MEGF8: variants seen among roughly 807,000 people sequenced by gnomAD.
The protein encoded by MEGF8 is multiple epidermal growth factor-like domains protein 8.
Under a neutral mutation model 302.9 loss-of-function variants are expected in MEGF8, and 156 were observed. The observed-to-expected ratio is 0.52, with a 90% CI of 0.45 to 0.59. The LOEUF (loss-of-function observed/expected upper bound fraction) is 0.59, where lower values mean the gene tolerates loss of function less well. Ranked by LOEUF, MEGF8 falls within the 20% of genes least tolerant of loss-of-function variation. The pLI is 0.00. For synonymous variants in MEGF8, 1,621 were observed against 1,660.5 expected (o/e 0.98, Z 0.58); for missense variants, 3,345 against 3,964.5 (o/e 0.84, Z 4.20).
At chr19:42,329,499 A>G (rs1434573099) in intron 1 of MEGF8, among the ~76,000 whole-genome samples, 2 of 152,044 alleles carry the variant, frequency 1.3e-5, no homozygotes, top group Non-Finnish European at 2.9e-5. Flanking sequence ...CCCCTTGATG[A>G]TCTTCTGTTC....
Position 42,326,268 on chromosome 19 carries a change from A to G in MEGF8, c.25A>G (p.Met9Val). The G allele has an allele frequency of 1.9e-6, 3 of 1,553,470 alleles. No homozygotes were observed. Among genetic ancestry groups the G allele is most frequent in the Non-Finnish European group, 2.6e-6 (3 of 1,158,224 alleles). MALGKVLA[M>V]ALVLALAVLG... Reference sequence around the variant, plus strand: ...GATGGCCCTGGGCAAGGTTCTGGCCATGGCACTGGTTTTGGCCTTGGCCGT... The same window carrying G: ...GATGGCCCTGGGCAAGGTTCTGGCCGTGGCACTGGTTTTGGCCTTGGCCGT... The change falls in exon 1 of 42, where the codon ATG becomes GTG. Residue 9 changes from methionine (M) to valine (V), a missense_variant. By Grantham distance (21) the Met-to-Val change is conservative (BLOSUM62 1). Transcript: ENST00000251268.
In MEGF8 at chr19:42,351,494, C is replaced by A; in HGVS notation, c.2921C>A (p.Thr974Asn). ...TGCGCCTGGTGCCAGTCCACCCACACCTGCTTCCTGTTTGCTGCCTACTTG... is the reference window on the plus strand; with the variant it reads ...TGCGCCTGGTGCCAGTCCACCCACAACTGCTTCCTGTTTGCTGCCTACTTG... Reference protein sequence around the residue: ...SQCAWCQSTHTCFLFAAYLAR... With the variant: ...SQCAWCQSTHNCFLFAAYLAR... Residue 974 changes from threonine to asparagine, a missense_variant, in exon 17 of 42, where the codon ACC (threonine) becomes AAC (asparagine). By Grantham distance (65) the Thr-to-Asn change is moderately conservative. Transcript: ENST00000251268. The surrounding 1 kb of genome is among the most constrained non-coding windows in gnomAD (Gnocchi z 5.6). 1 of 1,606,248 alleles carries A rather than the reference C, an allele frequency of 6.2e-7. No individual in the cohort carries two copies.
At chr19:42,348,836 A>T (rs2039327563) in intron 13 of MEGF8, among the ~76,000 whole-genome samples, 1 of 152,238 alleles carries the variant, frequency 6.6e-6, no homozygotes. Context: ...TCCTGACCTC[A>T]GATGATCCGC....
At chr19:42,373,706 G>GTTTTTTTT (rs750576656) in intron 41 of MEGF8, among the ~76,000 whole-genome samples, 11 of 100,990 alleles carry the variant, frequency 1.1e-4, no homozygotes, top group Non-Finnish European at 1.6e-4. Flanking sequence ...GGGCTTTTGG[G>GTTTTTTTT]TTTTTTTTTT....
At position 42,376,980 on chromosome 19, in the gene MEGF8, C is replaced by A. The variant is rs564254065; in HGVS notation, c.*205C>A. ...CTACTCTGTCAGGCACTGTCATAGG[C>A]GTGGGGCAAAGCAGGAACCAAGAGA... is the stretch of plus-strand genomic sequence containing the variant. On this transcript the variant is annotated 3_prime_UTR_variant, in exon 42 of 42. Transcript: ENST00000251268. The surrounding 1 kb of genome is among the most constrained non-coding windows in gnomAD (Gnocchi z 8.2). The A allele has an allele frequency of 5.9e-6, 3 of 509,726 alleles. No individual in the cohort carries two copies. Among genetic ancestry groups the A allele is most frequent in the Non-Finnish European group, 6.4e-6 (2 of 310,486 alleles). 31.6% of individuals were successfully genotyped at this position (509,726 alleles called of 1,614,324 possible).
At position 42,351,043 on chromosome 19, in the gene MEGF8, C is replaced by A; in HGVS notation, c.2737-173C>A. ...AGGAGACAGTGGGTGCTGGGCGGGC[C>A]GACCCATGGGTGTCTGTGGTCGAAG... On this transcript the variant is annotated intron_variant, in intron 15 of 41. Coordinates refer to ENST00000251268, the MANE Select transcript of MEGF8 (RefSeq NM_001271938.2). The surrounding 1 kb of genome is among the most constrained non-coding windows in gnomAD (Gnocchi z 5.6). The A allele has an allele frequency of 1.6e-6, 1 of 635,436 alleles. No individual in the cohort carries two copies. The highest frequency in any genetic ancestry group is 2.8e-6 in the Non-Finnish European group (1 of 359,596). The allele number at this position is 635,436 out of a possible 1,614,324, so 39.4% of individuals were successfully genotyped here.
At chr19:42,355,367 A>G (rs1283757685) in intron 23 of MEGF8, among the ~76,000 whole-genome samples, 1 of 152,140 alleles carries the variant, frequency 6.6e-6, no homozygotes, top group Non-Finnish European at 1.5e-5. Flanking sequence ...ATCCAGTCTC[A>G]TGTAAGGGCA....
chr19:42,375,358 G>A lies in MEGF8; in HGVS notation c.7270-149G>A, dbSNP rs2039750495. ...ACACTGTGGCAGAGAAGGTCCGGGG[G>A]GTCACAGGGAAGTGACTGGGGCAGT... On this transcript the variant is annotated intron_variant, in intron 41 of 41. Coordinates refer to ENST00000251268, the MANE Select transcript of MEGF8 (RefSeq NM_001271938.2). The surrounding 1 kb of genome is among the most constrained non-coding windows in gnomAD (Gnocchi z 7.1). 1 of 820,774 alleles carries A rather than the reference G, an allele frequency of 1.2e-6. No homozygotes were observed. Among genetic ancestry groups the A allele is most frequent in the Non-Finnish European group, 1.9e-6 (1 of 538,230 alleles). 50.8% of individuals were successfully genotyped at this position (820,774 alleles called of 1,614,324 possible). A position where few individuals can be genotyped will look rare whatever the true frequency, so the allele number is the denominator to read the frequency against.
At chr19:42,329,150 T>TA (rs1247998316) in intron 1 of MEGF8, among the ~76,000 whole-genome samples, 1 of 152,138 alleles carries the variant, frequency 6.6e-6, no homozygotes, top group African/African-American at 2.4e-5. Context: ...TGCCTGGTCT[T>TA]ATGGCACTTT....
chr19:42,364,678 C>A (rs1350106646), intron 35 of MEGF8, among the ~76,000 whole-genome samples: 1 of 152,198 alleles, frequency 6.6e-6, no homozygotes, highest in East Asian at 1.9e-4. Flanking sequence ...GTTTGCCTTG[C>A]GATCAAAAGC....
intron 39 of MEGF8, 75 bp from the exon 40 acceptor site, chr19:42,370,626 C>G: frequency 2.7e-6 from 4 of 1,479,832 alleles, no homozygotes; most frequent in Non-Finnish European, 3.7e-6. Flanking sequence ...TGGGTAGGAG[C>G]CTGGACTCCT....
rs150782421 is a variant in MEGF8 at position 42,375,771 on chromosome 19, G to T, written c.7534G>T (p.Val2512Leu). 6.2e-7 allele frequency: 1 copy of T among 1,612,962 alleles called. No homozygotes were observed. Among genetic ancestry groups the T allele is most frequent in the Non-Finnish European group, 8.5e-7 (1 of 1,179,798 alleles). ...TGTCTCCACCTCCTATGACACCTTC[G>T]TGGTCCGTGTGGCCCCTGACACTGG... ...LYVSTSYDTF[V>L]VRVAPDTGVH... is the part of the protein sequence containing the mutation. The change falls in exon 42 of 42, where the codon GTG (valine) becomes TTG (leucine). Residue 2512 changes from valine (V) to leucine (L), a missense_variant. Physicochemically the swap from Val to Leu is conservative, Grantham distance 32. Coordinates refer to ENST00000251268, the MANE Select transcript of MEGF8 (RefSeq NM_001271938.2). The surrounding 1 kb of genome is among the most constrained non-coding windows in gnomAD (Gnocchi z 7.1).
At chr19:42,337,314 G>T in intron 8 of MEGF8, 108 bp downstream of exon 8, 1 of 1,467,488 alleles carries the variant, frequency 6.8e-7, no homozygotes, top group South Asian at 1.2e-5. Flanking sequence ...TGACATCCAG[G>T]CCAGTTGGTG....
intron 35 of MEGF8, among the ~76,000 whole-genome samples, chr19:42,367,812 C>T (rs1353778742): frequency 6.6e-6 from 1 of 152,218 alleles, no homozygotes; most frequent in Non-Finnish European, 1.5e-5. Context: ...TGGTTCTCAT[C>T]TCTGTCTCTT....
In MEGF8 at chr19:42,368,340, G is replaced by C; in HGVS notation, c.6274-115G>C. ...CCACTTTGCTCTACCTGTGGCCAGGGAGGGGTGAGACCTCAAAGAGGGTGT... is the reference window on the plus strand; with the variant it reads ...CCACTTTGCTCTACCTGTGGCCAGGCAGGGGTGAGACCTCAAAGAGGGTGT... On this transcript the variant is annotated intron_variant, in intron 35 of 41. Transcript: ENST00000251268. This position sits in a 1 kb window ranked among gnomAD's most constrained non-coding sequence, Gnocchi z 4.9. 1.1e-6 allele frequency: 1 copy of C among 896,160 alleles called. No homozygotes were observed. Among genetic ancestry groups the C allele is most frequent in the Non-Finnish European group, 1.7e-6 (1 of 597,278 alleles). The allele number at this position is 896,160 out of a possible 1,614,324, so 55.5% of individuals were successfully genotyped here. A position where few individuals can be genotyped will look rare whatever the true frequency, so the allele number is the denominator to read the frequency against.
chr19:42,362,419 C>A lies in MEGF8; in HGVS notation c.5880C>A (p.Cys1960Ter), dbSNP rs761314605. 1.2e-6 allele frequency: 2 copies of A among 1,613,982 alleles called. No individual in the cohort carries two copies. Among genetic ancestry groups the A allele is most frequent in the Non-Finnish European group, 1.7e-6 (2 of 1,179,884 alleles). The stretch of plus-strand genomic sequence containing the variant: ...CCCGCTGTAAGTGGTGTACCAACTG[C>A]CCCGAAGGTGCTTGCATTGGACGCA... Reference protein sequence around the residue: ...STPRCKWCTNCPEGACIGRNG... With the variant: ...STPRCKWCTN The change falls in exon 34 of 42, where the codon TGC becomes TGA. Residue 1960 changes from cysteine to a stop codon, truncating the protein, a stop_gained. Transcript: ENST00000251268. LOFTEE classifies it high-confidence loss of function.
At position 42,376,686 on chromosome 19, in the gene MEGF8, G is replaced by A. The variant is rs779537526; in HGVS notation, c.8449G>A (p.Gly2817Ser). Residue 2817 changes from glycine (G) to serine (S), a missense_variant, in exon 42 of 42, where the codon GGT (glycine) becomes AGT (serine). Transcript: ENST00000251268. The surrounding 1 kb of genome is among the most constrained non-coding windows in gnomAD (Gnocchi z 8.2). ...CAGGCTGCACGAGTACTGTGGGGGT[G>A]GTGGGGGTGCTGGGGGCAGTGGGCA... ...RHRLHEYCGG[G>S]GGAGGSGHGT... 2 of 1,517,594 alleles carry A rather than the reference G, an allele frequency of 1.3e-6. No individual in the cohort carries two copies. The highest frequency in any genetic ancestry group is 1.8e-6 in the Non-Finnish European group (2 of 1,132,518). The allele number at this position is 1,517,594 out of a possible 1,614,324, so 94.0% of individuals were successfully genotyped here. A position where few individuals can be genotyped will look rare whatever the true frequency, so the allele number is the denominator to read the frequency against.
At position 42,353,860 on chromosome 19, in the gene MEGF8, G is replaced by A. The variant is rs750275998; in HGVS notation, c.3847G>A (p.Gly1283Arg). The A allele has an allele frequency of 1.3e-5, 21 of 1,603,344 alleles. No individual in the cohort carries two copies. The highest frequency in any genetic ancestry group is 1.6e-4 in the Middle Eastern group (1 of 6,062). ...AGTGGCACTGGGCTCACGCCGGGTC[G>A]GGGGGCTGCTGCCTCCAGGTGGCGG... ...SSVALGSRRV[G>R]GLLPPGGGAA... Residue 1283 changes from glycine (G) to arginine (R), a missense_variant, in exon 22 of 42, where the codon GGG becomes AGG. Coordinates refer to ENST00000251268, the MANE Select transcript of MEGF8 (RefSeq NM_001271938.2). This position sits in a 1 kb window ranked among gnomAD's most constrained non-coding sequence, Gnocchi z 6.1.
chr19:42,363,892 C>T (rs1353324832), intron 35 of MEGF8, among the ~76,000 whole-genome samples: 1 of 152,216 alleles, frequency 6.6e-6, no homozygotes, highest in Non-Finnish European at 1.5e-5. Flanking sequence ...AGTCAACACA[C>T]ATGGCCTCAG....
Sources: allele counts gnomAD v4.1 joint callset (sites outside exome capture counted in the v4.1 genomes callset), GRCh38; gene constraint gnomAD v4.1.1; non-coding constraint Gnocchi (gnomAD v3.1); transcripts MANE v1.5; gene names NCBI Gene and HGNC (gene_info 2026-07-23, HGNC 2026-07-21).